The following C2orf42 variants were observed in gnomAD, a reference collection of about 807,000 sequenced individuals.
C2orf42 encodes uncharacterized protein C2orf42.
Under a neutral mutation model 58.9 loss-of-function variants are expected in C2orf42, and 44 were observed. The observed-to-expected ratio is 0.75, with a 90% CI of 0.59 to 0.96. The LOEUF is 0.96. Among genes scored for constraint, C2orf42 ranks in the 40% least tolerant of loss-of-function variants. The probability of loss-of-function intolerance (pLI) is 0.00; values close to 1 mark genes in which losing one functional copy is unlikely to be tolerated. For missense variants in C2orf42, 630 were observed against 699.2 expected, an observed-to-expected ratio of 0.90 and a Z score of 1.12; for synonymous variants, 239 against 265.4, an observed-to-expected ratio of 0.90 and a Z score of 0.97.
At position 70,175,832 on chromosome 2, in the gene C2orf42, T is replaced by G. The variant is rs1674155068; in HGVS notation, c.935-55A>C. On this transcript the variant is annotated intron_variant, in intron 4 of 9. Transcript: ENST00000264434. The stretch of plus-strand genomic sequence containing the variant: ...ATGTATCTGCTAAATATAAATTGAT[T>G]TGATGTTAATTTTTAGAGTCTAAAA... The G allele has an allele frequency of 1.1e-5, 12 of 1,087,912 alleles. No individual in the cohort carries two copies. The South Asian group carries it at 1.4e-4, about 12-fold the overall frequency. The allele number at this position is 1,087,912 out of a possible 1,614,324, so 67.4% of individuals were successfully genotyped here. A position where few individuals can be genotyped will look rare whatever the true frequency, so the allele number is the denominator to read the frequency against.
chr2:70,188,671 C>T (rs1675118209), intron 1 of C2orf42, among the ~76,000 whole-genome samples: 1 of 152,146 alleles, frequency 6.6e-6, no homozygotes, highest in African/African-American at 2.4e-5. Flanking sequence ...ATTAACTGAA[C>T]TCTAGACTTT....
Position 70,181,172 on chromosome 2 carries a change from C to A in C2orf42, c.814G>T (p.Asp272Tyr). The change falls in exon 3 of 10, where the codon GAT (aspartate) becomes TAT (tyrosine). Residue 272 changes from aspartate (D) to tyrosine (Y), a missense_variant. Transcript: ENST00000264434. ...CAACCATACCACCTACCGCTGGAAT[C>A]AAAATTTAGGAAGTCTGAGAATTCC... ...AQEFSDFLNFDSSGLKEIIVP... is the reference protein window; with the variant it reads ...AQEFSDFLNFYSSGLKEIIVP... The A allele has an allele frequency of 6.4e-7, 1 of 1,555,794 alleles. No homozygotes were observed. The highest frequency in any genetic ancestry group is 1.2e-5 in the South Asian group (1 of 84,756).
intron 1 of C2orf42, among the ~76,000 whole-genome samples, chr2:70,185,062 C>T (rs1031345014): frequency 2.7e-5 from 4 of 149,116 alleles, no homozygotes; most frequent in African/African-American, 9.9e-5. Context: ...TGCACTCCAG[C>T]CTGGGCGACA....
intron 5 of C2orf42, among the ~76,000 whole-genome samples, chr2:70,170,195 A>C (rs1401198045): frequency 1.3e-5 from 2 of 151,972 alleles, no homozygotes; most frequent in Admixed American, 6.6e-5. Flanking sequence ...AAAAAAAAAA[A>C]AACTTGAAGC....
At chr2:70,158,318 A>G (rs1672816526) in intron 9 of C2orf42, among the ~76,000 whole-genome samples, 1 of 152,178 alleles carries the variant, frequency 6.6e-6, no homozygotes, top group Non-Finnish European at 1.5e-5. Flanking sequence ...AATTTTAAAT[A>G]CAAGGTACTG....
At chr2:70,189,635 T>A (rs1210836151) in intron 1 of C2orf42, among the ~76,000 whole-genome samples, 3 of 147,994 alleles carry the variant, frequency 2.0e-5, no homozygotes, top group Non-Finnish European at 4.4e-5. Context: ...GAGAATGGCG[T>A]GAACCCTGGG....
At chr2:70,176,448 G>A (rs1674198928) in intron 4 of C2orf42, among the ~76,000 whole-genome samples, 2 of 151,630 alleles carry the variant, frequency 1.3e-5, no homozygotes, top group African/African-American at 4.8e-5. Flanking sequence ...AGCTTGCAGT[G>A]AGCCGAGACT....
intron 6 of C2orf42, among the ~76,000 whole-genome samples, chr2:70,168,090 C>T (rs1673528916): frequency 1.3e-5 from 2 of 151,596 alleles, no homozygotes; most frequent in South Asian, 4.2e-4. Context: ...AAAAATTGGC[C>T]AGGCATGGTG....
chr2:70,184,132 G>A (rs540229486), intron 1 of C2orf42, among the ~76,000 whole-genome samples: 61 of 151,912 alleles, frequency 4.0e-4, no homozygotes, highest in Admixed American at 7.9e-4. Context: ...AATTACAGTC[G>A]GGGACTAGTT....
rs1168092992 is a variant in C2orf42 at position 70,175,752 on chromosome 2, C to T, written c.960G>A (p.Leu320=). 6.2e-7 allele frequency: 1 copy of T among 1,611,224 alleles called. No homozygotes were observed. The highest frequency in any genetic ancestry group is 2.2e-5 in the East Asian group (1 of 44,874). Residue 320 remains leucine (L), a synonymous_variant, in exon 5 of 10, where the codon CTG becomes CTA. Transcript: ENST00000264434. The stretch of plus-strand genomic sequence containing the variant: ...GATTACTGCTCACTGCATCTTGAGG[C>T]AGTAGTGAACTGTTCATCTGTGCAC... The part of the protein sequence containing the change: ...VSGAQMNSSL[L]PQDAVSSNLR...
intron 9 of C2orf42, among the ~76,000 whole-genome samples, chr2:70,152,136 C>A (rs976442483): frequency 2.7e-4 from 41 of 152,162 alleles, no homozygotes; most frequent in Admixed American, 2.3e-3. Flanking sequence ...AAATAGTCAC[C>A]CCTTTTAAAT....
chr2:70,189,472 C>T (rs890867563), intron 1 of C2orf42, among the ~76,000 whole-genome samples: 1 of 146,756 alleles, frequency 6.8e-6, no homozygotes, highest in African/African-American at 2.5e-5. Flanking sequence ...AATCCCAGCA[C>T]TTTGGGAGGC....
rs1404103358 is a variant in C2orf42 at position 70,160,751 on chromosome 2, G to A, written c.1390C>T (p.Arg464Ter). The change falls in exon 9 of 10, where the codon CGA becomes TGA. Residue 464 changes from arginine (R) to a stop codon, truncating the protein, a stop_gained. Coordinates refer to ENST00000264434, the MANE Select transcript of C2orf42 (RefSeq NM_017880.3). LOFTEE classifies it high-confidence loss of function. ...TTAAATAGCTCATAAGTCCCATCTC[G>A]GTTCTGGATAAAGCTACGGGTGATT... The part of the protein sequence containing the change: ...LEITRSFIQN[R>*]DGTYELFKCP... 1 of 1,609,328 alleles carries A rather than the reference G, an allele frequency of 6.2e-7. No homozygotes were observed. The highest frequency in any genetic ancestry group is 8.5e-7 in the Non-Finnish European group (1 of 1,178,218).
At chr2:70,179,684 G>A (rs769438679) in intron 3 of C2orf42, 42 bp from the exon 4 acceptor site, 5 of 849,298 alleles carry the variant, frequency 5.9e-6, no homozygotes, top group Admixed American at 5.7e-5. Context: ...CCTATCCAAG[G>A]GTAAGTATAA....
chr2:70,169,496 G>A (rs1169354505), intron 6 of C2orf42, 61 bp downstream of exon 6: 2 of 847,234 alleles, frequency 2.4e-6, no homozygotes, highest in East Asian at 2.5e-5. Context: ...GAGAATTACA[G>A]CACAATTACC....
chr2:70,182,106 A>C, intron 2 of C2orf42, 109 bp from the exon 3 acceptor site: 2 of 509,802 alleles, frequency 3.9e-6, no homozygotes, highest in East Asian at 3.4e-5. Context: ...GCTATCTACT[A>C]TTTTTTTTTT....
chr2:70,164,100 C>G (rs1673238855), intron 8 of C2orf42, among the ~76,000 whole-genome samples: 1 of 150,484 alleles, frequency 6.6e-6, no homozygotes, highest in Admixed American at 6.6e-5. Flanking sequence ...TTGCTCGAGT[C>G]CAGGAATTTG....
At chr2:70,162,098 G>A (rs1014332533) in intron 8 of C2orf42, among the ~76,000 whole-genome samples, 7 of 150,996 alleles carry the variant, frequency 4.6e-5, no homozygotes, top group Non-Finnish European at 8.8e-5. Context: ...TGCAACCTCC[G>A]CCTCCCAGGT....
chr2:70,156,633 G>A (rs910391839), intron 9 of C2orf42, among the ~76,000 whole-genome samples: 2 of 151,960 alleles, frequency 1.3e-5, no homozygotes, highest in African/African-American at 2.4e-5. Context: ...GCTGAGGCAC[G>A]AGGACTGCTT....
Sources: gnomAD v4.1 joint callset for allele counts (sites outside exome capture counted in the v4.1 genomes callset) on GRCh38, gnomAD v4.1.1 for gene constraint, MANE v1.5 for transcripts, NCBI Gene and HGNC (gene_info 2026-07-23, HGNC 2026-07-21) for gene names.